Variants in NSUN2 observed in about 807,000 individuals in gnomAD.
NSUN2 encodes RNA cytosine C(5)-methyltransferase NSUN2.
In NSUN2, 63 loss-of-function variants were observed where a neutral mutation model predicts 92.7. That is an observed-to-expected ratio of 0.68 (90% CI 0.56 to 0.84). NSUN2 has a LOEUF of 0.84. NSUN2 is among the 40% of genes least tolerant of loss of function. The pLI is 0.00. For missense variants in NSUN2, 989 were observed against 964.9 expected (o/e 1.02, Z -0.33); for synonymous variants, 356 against 348.3 (o/e 1.02, Z -0.25).
At chr5:6,624,938 C>T (rs1263231232) in intron 4 of NSUN2, among the ~76,000 whole-genome samples, 2 of 152,072 alleles carry the variant, frequency 1.3e-5, no homozygotes, top group East Asian at 1.9e-4. Flanking sequence ...GCTGGGGATG[C>T]TCTGATGCTA....
Position 6,632,758 on chromosome 5 carries a change from T to G in NSUN2, c.97-2A>C. Reference sequence around the variant, plus strand: ...CTCGGGGTAGCCTCCTTCCCAGCCCTGAGGAAGGAAAGAGACGTCTACCCC... The same window carrying G: ...CTCGGGGTAGCCTCCTTCCCAGCCCGGAGGAAGGAAAGAGACGTCTACCCC... On this transcript the variant is annotated splice_acceptor_variant, in intron 1 of 18. Transcript: ENST00000264670. LOFTEE classifies it high-confidence loss of function. 6.2e-7 allele frequency: 1 copy of G among 1,612,784 alleles called. No homozygotes were observed. The highest frequency in any genetic ancestry group is 8.5e-7 in the Non-Finnish European group (1 of 1,179,300).
At chr5:6,621,837 TGA>T in intron 6 of NSUN2, 177 bp downstream of exon 6, 1 of 576,032 alleles carries the variant, frequency 1.7e-6, no homozygotes, top group East Asian at 2.9e-5. Flanking sequence ...TGTGTTTGTT[TGA>T]GTACTACTGA....
At chr5:6,630,342 G>C (rs1373232279) in intron 3 of NSUN2, among the ~76,000 whole-genome samples, 2 of 152,116 alleles carry the variant, frequency 1.3e-5, no homozygotes, top group Non-Finnish European at 2.9e-5. Flanking sequence ...GTCTCGCTCT[G>C]TGGCCCAGGC....
chr5:6,605,191 T>G, intron 15 of NSUN2, 82 bp downstream of exon 15: 1 of 1,566,908 alleles, frequency 6.4e-7, no homozygotes, highest in South Asian at 1.2e-5. Context: ...TGTCACGGTC[T>G]GCTCCAAATG....
At position 6,624,876 on chromosome 5, in the gene NSUN2, A is replaced by G. The variant is rs181376384; in HGVS notation, c.465+688T>C. Reference sequence around the variant, plus strand: ...CTAAGAATTCCAAAAAAAATACCCAAACTTTATGGGCATTCATTGAATTAT... The same window carrying G: ...CTAAGAATTCCAAAAAAAATACCCAGACTTTATGGGCATTCATTGAATTAT... On this transcript the variant is annotated intron_variant, in intron 4 of 18. Coordinates refer to ENST00000264670, the MANE Select transcript of NSUN2 (RefSeq NM_017755.6). Among the ~76,000 whole-genome samples, 325 of 152,322 alleles carry G rather than the reference A, an allele frequency of 2.1e-3. 2 individuals carry two copies. Among genetic ancestry groups the G allele is most frequent in the African/African-American group, 7.7e-3 (319 of 41,560 alleles).
In NSUN2 at chr5:6,607,688, C is replaced by T. The variant is rs1028454518; in HGVS notation, c.1324-304G>A. 4.6e-5 allele frequency among the ~76,000 whole-genome samples: 7 copies of T among 152,204 alleles called. No individual in the cohort carries two copies. The South Asian group carries it at 1.0e-3, about 22-fold the overall frequency. On this transcript the variant is annotated intron_variant, in intron 12 of 18. Coordinates refer to ENST00000264670, the MANE Select transcript of NSUN2 (RefSeq NM_017755.6). ...CTTGTTCTCGTGTAAAAATGCTTAT[C>T]GTGCATCTGCTCTGGGTAAGGCACA...
intron 9 of NSUN2, among the ~76,000 whole-genome samples, chr5:6,613,894 T>C (rs1478228298): frequency 6.6e-6 from 1 of 151,956 alleles, no homozygotes; most frequent in Admixed American, 6.6e-5. Flanking sequence ...GTCAGGAGTT[T>C]GAGACCAGCC....
chr5:6,612,933 C>G (rs896892649), intron 9 of NSUN2, among the ~76,000 whole-genome samples: 1 of 152,192 alleles, frequency 6.6e-6, no homozygotes, highest in African/African-American at 2.4e-5. Context: ...ACGCACACCC[C>G]CTCCAGTCAA....
intron 12 of NSUN2, among the ~76,000 whole-genome samples, chr5:6,608,498 A>C (rs947786425): frequency 2.0e-5 from 3 of 152,250 alleles, no homozygotes; most frequent in Admixed American, 6.5e-5. Flanking sequence ...CTAGCACTAG[A>C]TCTGTTGAAC....
intron 9 of NSUN2, among the ~76,000 whole-genome samples, chr5:6,615,020 T>C (rs893932966): frequency 6.7e-6 from 1 of 149,900 alleles, no homozygotes; most frequent in South Asian, 2.1e-4. Flanking sequence ...CTTAGGAGAG[T>C]AGCAAATGCT....
intron 12 of NSUN2, among the ~76,000 whole-genome samples, chr5:6,609,256 G>A (rs1050627456): frequency 1.3e-5 from 2 of 152,154 alleles, no homozygotes; most frequent in Admixed American, 6.5e-5. Context: ...GAGACAGCAC[G>A]CATTACAAAG....
chr5:6,611,693 C>G (rs370177971), intron 10 of NSUN2, 32 bp downstream of exon 10: 13 of 1,599,712 alleles, frequency 8.1e-6, no homozygotes, highest in South Asian at 1.1e-5. Context: ...TGCACCTACT[C>G]TTTAGAATGA....
At chr5:6,602,584 G>T in intron 17 of NSUN2, 84 bp from the exon 18 acceptor site, 3 of 1,187,968 alleles carry the variant, frequency 2.5e-6, no homozygotes, top group Non-Finnish European at 3.8e-6. Flanking sequence ...CTAGTGATGT[G>T]TTAAGTATTC....
At chr5:6,604,336 G>T in intron 16 of NSUN2, 60 bp from the exon 17 acceptor site, 1 of 1,445,658 alleles carries the variant, frequency 6.9e-7, no homozygotes. Context: ...AACGACAACA[G>T]CCTGCTCTCA....
intron 15 of NSUN2, 103 bp from the exon 16 acceptor site, chr5:6,604,788 A>G (rs1387311222): frequency 3.2e-6 from 3 of 951,872 alleles, no homozygotes; most frequent in Non-Finnish European, 5.0e-6. Flanking sequence ...ATGGGAAAGG[A>G]GAGGAGAAGC....
Position 6,604,114 on chromosome 5 carries a change from C to T in NSUN2, c.1957+24G>A, listed in dbSNP as rs757896621. 5.0e-6 allele frequency: 8 copies of T among 1,606,156 alleles called. No homozygotes were observed. The South Asian group carries it at 8.9e-5, about 18-fold the overall frequency. ...CTTATAAAGGGAATACAAGTTATGT[C>T]TCTATGCATTTCCAACTACTCACCC... On this transcript the variant is annotated intron_variant, in intron 17 of 18. Coordinates refer to ENST00000264670, the MANE Select transcript of NSUN2 (RefSeq NM_017755.6).
chr5:6,599,888 C>T lies in NSUN2; in HGVS notation c.*38G>A, dbSNP rs897513570. The T allele has an allele frequency of 1.6e-5, 26 of 1,584,352 alleles. No homozygotes were observed. The highest frequency in any genetic ancestry group is 5.6e-5 in the South Asian group (5 of 89,310). On this transcript the variant is annotated 3_prime_UTR_variant, in exon 19 of 19. Transcript: ENST00000264670. ...CAGTGACCAGAAGAAGCCAGTTTTG[C>T]GTGTGAGGGGTGTGGGCCCCCGCTG...
chr5:6,613,468 C>T (rs1360540051), intron 9 of NSUN2, among the ~76,000 whole-genome samples: 3 of 152,164 alleles, frequency 2.0e-5, no homozygotes, highest in African/African-American at 7.2e-5. Context: ...CCAAGAACTC[C>T]CTCCACCCCC....
intron 3 of NSUN2, among the ~76,000 whole-genome samples, chr5:6,626,390 T>C (rs1447187996): frequency 6.6e-6 from 1 of 152,128 alleles, no homozygotes; most frequent in Non-Finnish European, 1.5e-5. Flanking sequence ...CTTTTTTTTT[T>C]TGAGACAGTC....
Sources: allele counts gnomAD v4.1 joint callset (sites outside exome capture counted in the v4.1 genomes callset), GRCh38; gene constraint gnomAD v4.1.1; transcripts MANE v1.5; gene names NCBI Gene and HGNC (gene_info 2026-07-23, HGNC 2026-07-21).